The following DNAH14 variants were observed in gnomAD, a reference collection of about 807,000 sequenced individuals.
DNAH14 encodes axonemal beta dynein heavy chain 14.
Under a neutral mutation model 520.9 loss-of-function variants are expected in DNAH14, and 478 were observed. The observed-to-expected ratio is 0.92, with a 90% CI of 0.85 to 0.99. DNAH14 has a LOEUF of 0.99. Among genes scored for constraint, DNAH14 ranks in the 50% least tolerant of loss-of-function variants. The pLI is 0.00. For synonymous variants in DNAH14, 1,581 were observed against 1,757.2 expected, an observed-to-expected ratio of 0.90 and a Z score of 2.51; for missense variants, 4,831 against 5,234.5, an observed-to-expected ratio of 0.92 and a Z score of 2.38.
At chr1:225,164,286 C>T (rs1225630466) in intron 35 of DNAH14, among the ~76,000 whole-genome samples, 1 of 152,090 alleles carries the variant, frequency 6.6e-6, no homozygotes, top group Non-Finnish European at 1.5e-5. Flanking sequence ...GATTTCTTGT[C>T]TTAATATCTA....
intron 60 of DNAH14, 144 bp downstream of exon 60, chr1:225,308,554 T>C (rs1478503121): frequency 2.5e-6 from 2 of 814,014 alleles, no homozygotes; most frequent in East Asian, 5.8e-5. Context: ...CCAACAACTA[T>C]TTATTGAGTC....
At chr1:225,118,160 A>G (rs1399175992) in intron 25 of DNAH14, 161 bp downstream of exon 25, 19 of 694,006 alleles carry the variant, frequency 2.7e-5, no homozygotes, top group Non-Finnish European at 4.4e-5. Flanking sequence ...TATTCCCTAC[A>G]ATACATAATC....
At chr1:225,384,120 G>A (rs1344673435) in intron 81 of DNAH14, among the ~76,000 whole-genome samples, 1 of 152,162 alleles carries the variant, frequency 6.6e-6, no homozygotes, top group African/African-American at 2.4e-5. Context: ...TACAATTTCT[G>A]TTCTTTTACA....
In DNAH14 at chr1:225,346,121, TCTACTTC is replaced by T; in HGVS notation, c.10842_10848del (p.Tyr3614Ter). 1 of 1,551,708 alleles carries T rather than the reference TCTACTTC, an allele frequency of 6.4e-7. No individual in the cohort carries two copies. Among genetic ancestry groups the T allele is most frequent in the Middle Eastern group, 1.7e-4 (1 of 5,992 alleles). On this transcript the variant is annotated frameshift_variant, in exon 70 of 86. Transcript: ENST00000682510. LOFTEE classifies it high-confidence loss of function. Reference sequence around the variant, plus strand: ...CCCATTGCGACCCGAGGCGCCCTGCTCTACTTCCTAGTAGCTGATCTCACACAAATCA... The same window carrying T: ...CCCATTGCGACCCGAGGCGCCCTGCTCTAGTAGCTGATCTCACACAAATCA...
chr1:225,280,131 C>T (rs2093593899), intron 54 of DNAH14, among the ~76,000 whole-genome samples: 1 of 151,538 alleles, frequency 6.6e-6, no homozygotes, highest in Non-Finnish European at 1.5e-5. Context: ...TAAAATTTAT[C>T]TACACTGAAC....
chr1:225,284,542 G>A (rs1167703484), intron 54 of DNAH14, among the ~76,000 whole-genome samples: 1 of 152,110 alleles, frequency 6.6e-6, no homozygotes, highest in African/African-American at 2.4e-5. Context: ...GGCTTCACCA[G>A]AGATTTCTAC....
intron 60 of DNAH14, among the ~76,000 whole-genome samples, chr1:225,314,030 C>T (rs2094420981): frequency 6.6e-6 from 1 of 152,162 alleles, no homozygotes; most frequent in African/African-American, 2.4e-5. Context: ...CTAATATTGA[C>T]AGTGGTATGT....
intron 38 of DNAH14, among the ~76,000 whole-genome samples, chr1:225,197,222 G>A (rs913343382): frequency 6.6e-6 from 1 of 152,126 alleles, no homozygotes; most frequent in Non-Finnish European, 1.5e-5. Context: ...TTTATATAAG[G>A]TGAGAGATGA....
chr1:225,058,656 T>C (rs2069522885), intron 17 of DNAH14, among the ~76,000 whole-genome samples: 1 of 152,220 alleles, frequency 6.6e-6, no homozygotes, highest in African/African-American at 2.4e-5. Flanking sequence ...CTGCTTTCTC[T>C]TGTGGGCATT....
At chr1:225,089,551 T>C (rs566733155) in intron 21 of DNAH14, among the ~76,000 whole-genome samples, 1 of 149,342 alleles carries the variant, frequency 6.7e-6, no homozygotes, top group South Asian at 2.1e-4. Flanking sequence ...TAGAAATCAA[T>C]AGCCCTCTTA....
intron 53 of DNAH14, among the ~76,000 whole-genome samples, chr1:225,276,942 A>AAAGGAAGG (rs1233915382): frequency 2.6e-4 from 18 of 69,056 alleles, no homozygotes; most frequent in Admixed American, 3.6e-4. Flanking sequence ...AGAAGAAGAA[A>AAAGGAAGG]AAGGAAGGAA....
chr1:225,145,304 C>T (rs1332356393), intron 29 of DNAH14, 22 bp from the exon 30 acceptor site: 2 of 1,532,364 alleles, frequency 1.3e-6, no homozygotes, highest in African/African-American at 2.8e-5. Flanking sequence ...AAGAAAGATA[C>T]TAAAATATTT....
rs1435613560 is a variant in DNAH14, at chr1:225,335,701, G to A, written c.10081-1565G>A. The stretch of plus-strand genomic sequence containing the variant: ...TGTATATACGCATATATACATATGT[G>A]CATATATGTATATACGCATATATAC... On this transcript the variant is annotated intron_variant, in intron 66 of 85. Transcript: ENST00000682510. 8.1e-5 allele frequency among the ~76,000 whole-genome samples: 7 copies of A among 85,950 alleles called. 1 individual carries two copies. The highest frequency in any genetic ancestry group is 2.8e-4 in the African/African-American group (5 of 18,096). The allele number at this position is 85,950 out of a possible 152,430, so 56.4% of individuals were successfully genotyped here. A position where few individuals can be genotyped will look rare whatever the true frequency, so the allele number is the denominator to read the frequency against.
At chr1:225,348,396 A>T (rs1190235061) in intron 71 of DNAH14, among the ~76,000 whole-genome samples, 2 of 152,192 alleles carry the variant, frequency 1.3e-5, no homozygotes, top group African/African-American at 4.8e-5. Flanking sequence ...CCACTAGGAT[A>T]AATCCAAAAA....
chr1:225,374,726 G>A lies in DNAH14; in HGVS notation c.12357G>A (p.Gln4119=). 6.4e-7 allele frequency: 1 copy of A among 1,550,912 alleles called. No homozygotes were observed. The highest frequency in any genetic ancestry group is 8.7e-7 in the Non-Finnish European group (1 of 1,146,496). The change falls in exon 78 of 86, where the codon CAG becomes CAA. Residue 4119 remains glutamine (Q), a synonymous_variant. Coordinates refer to ENST00000682510, the MANE Select transcript of DNAH14 (RefSeq NM_001367479.1). ...IKVLENSLRG[Q]PSISWQALRY... is the part of the protein sequence containing the mutation. ...TGTTGGAAAATTCCCTGAGAGGACA[G>A]CCCAGCATTTCGTGGCAAGCACTGC... is the stretch of plus-strand genomic sequence containing the variant.
At chr1:225,120,743 T>A (rs1370721066) in intron 26 of DNAH14, among the ~76,000 whole-genome samples, 2 of 152,200 alleles carry the variant, frequency 1.3e-5, no homozygotes, top group Non-Finnish European at 2.9e-5. Flanking sequence ...AGTTACCTTG[T>A]ATGTAAAGAG....
intron 10 of DNAH14, 79 bp from the exon 11 acceptor site, chr1:225,023,536 A>T (rs562461903): frequency 5.5e-5 from 67 of 1,211,012 alleles, no homozygotes; most frequent in African/African-American, 5.4e-4. Context: ...TGAAGTTGAT[A>T]AAAAAAACTA....
chr1:225,388,331 C>A, intron 81 of DNAH14, 48 bp from the exon 82 acceptor site: 1 of 1,229,866 alleles, frequency 8.1e-7, no homozygotes, highest in Non-Finnish European at 1.1e-6. Flanking sequence ...CCTAATGACC[C>A]CAAAGACAAA....
At chr1:225,110,571 T>C (rs1420226082) in intron 23 of DNAH14, among the ~76,000 whole-genome samples, 2 of 151,794 alleles carry the variant, frequency 1.3e-5, no homozygotes, top group African/African-American at 4.8e-5. Context: ...TTTCTTTTTT[T>C]TTCTTAGTCT....
Sources: allele counts gnomAD v4.1 joint callset (sites outside exome capture counted in the v4.1 genomes callset), GRCh38; gene constraint gnomAD v4.1.1; transcripts MANE v1.5; gene names NCBI Gene and HGNC (gene_info 2026-07-23, HGNC 2026-07-21).